FGF14: variants seen among roughly 807,000 people sequenced by gnomAD.
FGF14 encodes the protein fibroblast growth factor homologous factor 4.
FGF14 carries 5 observed loss-of-function variants against 25.5 expected under a neutral mutation model. The observed-to-expected ratio is 0.20, with a 90% CI of 0.10 to 0.41. The LOEUF (loss-of-function observed/expected upper bound fraction) is 0.41. Among genes scored for constraint, FGF14 ranks in the 10% least tolerant of loss-of-function variants. The pLI is 1.00. For missense variants in FGF14, 222 were observed against 320.1 expected, an observed-to-expected ratio of 0.69 and a Z score of 2.34; for synonymous variants, 138 against 118.3, an observed-to-expected ratio of 1.17 and a Z score of -1.08.
At chr13:102,160,458 T>G (rs1384689922) in intron 1 of FGF14, among the ~76,000 whole-genome samples, 2 of 152,144 alleles carry the variant, frequency 1.3e-5, no homozygotes, top group Admixed American at 6.6e-5. Context: ...AGCCTGATCT[T>G]CTCACACACC....
At chr13:102,350,836 G>A (rs2057256610) in intron 1 of FGF14, among the ~76,000 whole-genome samples, 1 of 152,228 alleles carries the variant, frequency 6.6e-6, no homozygotes, top group Non-Finnish European at 1.5e-5. Flanking sequence ...TCTCTCGAAT[G>A]TCTATTCATC....
At chr13:102,036,331 C>T (rs1394305781) in intron 1 of FGF14, among the ~76,000 whole-genome samples, 1 of 152,082 alleles carries the variant, frequency 6.6e-6, no homozygotes, top group African/African-American at 2.4e-5. Flanking sequence ...ACACAGATGT[C>T]CCTACAATGT....
intron 3 of FGF14, among the ~76,000 whole-genome samples, chr13:101,781,035 C>T (rs560429678): frequency 3.9e-5 from 6 of 152,054 alleles, no homozygotes; most frequent in Non-Finnish European, 8.8e-5. Context: ...GCTTGCTACT[C>T]ATGGCCACCT....
intron 1 of FGF14, among the ~76,000 whole-genome samples, chr13:102,213,326 A>G (rs1413087): frequency 0.82 from 125,244 of 152,238 alleles, 52,147 homozygotes; most frequent in African/African-American, 0.96. Context: ...TTAGAACCTC[A>G]TAACTTTAAA....
intron 1 of FGF14, among the ~76,000 whole-genome samples, chr13:102,078,121 G>A (rs1426547856): frequency 2.0e-5 from 3 of 152,094 alleles, no homozygotes; most frequent in Non-Finnish European, 2.9e-5. Context: ...AATAATAGTG[G>A]TTTCCAGGGG....
At chr13:102,007,181 G>A (rs577237053) in intron 1 of FGF14, among the ~76,000 whole-genome samples, 1 of 152,288 alleles carries the variant, frequency 6.6e-6, no homozygotes, top group East Asian at 1.9e-4. Flanking sequence ...AATTAGCATG[G>A]TCCTCTAAAT....
intron 3 of FGF14, among the ~76,000 whole-genome samples, chr13:101,858,371 G>T (rs2044237345): frequency 6.6e-6 from 1 of 151,798 alleles, no homozygotes; most frequent in Non-Finnish European, 1.5e-5. Flanking sequence ...GCTATTAATT[G>T]TTGTTTCAAT....
chr13:101,914,461 G>T (rs957031400), intron 1 of FGF14, among the ~76,000 whole-genome samples: 5 of 151,938 alleles, frequency 3.3e-5, no homozygotes, highest in Non-Finnish European at 5.9e-5. Flanking sequence ...CCTGTCCAAA[G>T]TAAGGTAGAA....
intron 1 of FGF14, among the ~76,000 whole-genome samples, chr13:101,963,296 C>T (rs1007720537): frequency 6.6e-6 from 1 of 152,084 alleles, no homozygotes; most frequent in Non-Finnish European, 1.5e-5. Context: ...CTAGGGAGTG[C>T]CCCACCCTTT....
At chr13:102,041,583 T>TAAAAAAAAAAAAAAAAAAAA (rs11430268) in intron 1 of FGF14, among the ~76,000 whole-genome samples, 2 of 141,944 alleles carry the variant, frequency 1.4e-5, no homozygotes, top group African/African-American at 5.3e-5. Context: ...TGTTTCCATG[T>TAAAAAAAAAAAAAAAAAAAA]AAAAAAAAAA....
chr13:101,719,965 T>C lies in FGF14; in HGVS notation c.*2866A>G, dbSNP rs894346548. The C allele has an allele frequency of 3.9e-5, 6 of 152,246 alleles. No individual in the cohort carries two copies. Among genetic ancestry groups the C allele is most frequent in the Admixed American group, 2.0e-4 (3 of 15,270 alleles). The allele number at this position is 152,246 out of a possible 1,614,324, so 9.4% of individuals were successfully genotyped here. On this transcript the variant is annotated 3_prime_UTR_variant, in exon 5 of 5. Coordinates refer to ENST00000376143, the MANE Select transcript of FGF14 (RefSeq NM_004115.4). ...TGGCATGGTAAAGGGGGAAATTGAG[T>C]TTACCAACTTATTTACATGACATTT... is the stretch of plus-strand genomic sequence containing the variant.
At position 101,853,166 on chromosome 13, in the gene FGF14, G is replaced by A. The variant is rs1017955077; in HGVS notation, c.408+15559C>T. On this transcript the variant is annotated intron_variant, in intron 3 of 4. Transcript: ENST00000376143. ...CACATAAAAAGATCAAAATAACTATGGGAGGTATGTAGGATACCCAATCTT... is the reference window on the plus strand; with the variant it reads ...CACATAAAAAGATCAAAATAACTATAGGAGGTATGTAGGATACCCAATCTT... Among the ~76,000 whole-genome samples, 5 of 151,944 alleles carry A rather than the reference G, an allele frequency of 3.3e-5. No homozygotes were observed. The East Asian group carries it at 9.7e-4, about 29-fold the overall frequency.
At chr13:101,736,022 T>G (rs1243557923) in intron 3 of FGF14, among the ~76,000 whole-genome samples, 1 of 152,224 alleles carries the variant, frequency 6.6e-6, no homozygotes, top group East Asian at 1.9e-4. Context: ...CACAGTAATA[T>G]GCAAAACGTT....
intron 1 of FGF14, among the ~76,000 whole-genome samples, chr13:101,956,984 T>A (rs894478748): frequency 6.6e-5 from 10 of 152,050 alleles, no homozygotes; most frequent in African/African-American, 2.4e-4. Context: ...ATTGAGAGAA[T>A]AATGAGACCA....
intron 3 of FGF14, among the ~76,000 whole-genome samples, chr13:101,852,313 C>T (rs1303056954): frequency 6.6e-6 from 1 of 152,024 alleles, no homozygotes; most frequent in Non-Finnish European, 1.5e-5. Context: ...GACATTAATA[C>T]ATATCATAAT....
In FGF14 at chr13:102,209,605, A is replaced by T. The variant is rs779762769; in HGVS notation, c.208+191866T>A. 4.6e-5 allele frequency among the ~76,000 whole-genome samples: 7 copies of T among 152,174 alleles called. No individual in the cohort carries two copies. The South Asian group carries it at 6.2e-4, about 13-fold the overall frequency. On this transcript the variant is annotated intron_variant, in intron 1 of 4. Transcript: ENST00000376131. Reference sequence around the variant, plus strand: ...CAATTCTCCAGTGAGAGGCAGCTATAAGCTATCAGTTGTCCATTTTCTCAG... The same window carrying T: ...CAATTCTCCAGTGAGAGGCAGCTATTAGCTATCAGTTGTCCATTTTCTCAG...
At position 102,346,042 on chromosome 13, in the gene FGF14, T is replaced by G. The variant is rs908750100; in HGVS notation, c.208+55429A>C. On this transcript the variant is annotated intron_variant, in intron 1 of 4. Transcript: ENST00000376131. Reference sequence around the variant, plus strand: ...TTTTTGTCTATCATTTGGATTAAATTTCTGATTATCAAATGTGTAGTAACA... The same window carrying G: ...TTTTTGTCTATCATTTGGATTAAATGTCTGATTATCAAATGTGTAGTAACA... 2.0e-5 allele frequency among the ~76,000 whole-genome samples: 3 copies of G among 152,312 alleles called. 1 individual carries two copies.
At chr13:102,230,782 A>G (rs534863512) in intron 1 of FGF14, among the ~76,000 whole-genome samples, 10 of 152,346 alleles carry the variant, frequency 6.6e-5, no homozygotes, top group Non-Finnish European at 1.3e-4. Flanking sequence ...GTAATTTGCC[A>G]TAATACCTGT....
intron 1 of FGF14, among the ~76,000 whole-genome samples, chr13:102,154,118 C>G (rs191352019): frequency 6.6e-6 from 1 of 151,982 alleles, no homozygotes; most frequent in East Asian, 1.9e-4. Context: ...CTTTGAACTC[C>G]CAATCTAGCA....
Sources: gnomAD v4.1 joint callset for allele counts (sites outside exome capture counted in the v4.1 genomes callset) on GRCh38, gnomAD v4.1.1 for gene constraint, MANE v1.5 for transcripts, NCBI Gene and HGNC (gene_info 2026-07-23, HGNC 2026-07-21) for gene names.